The following GRIK3 variants were observed in gnomAD, a reference collection of about 807,000 sequenced individuals.
GRIK3 encodes glutamate receptor ionotropic, kainate 3.
A neutral mutation model predicts 102.5 loss-of-function variants in GRIK3; 29 were observed. That is an observed-to-expected ratio of 0.28 (90% CI 0.21 to 0.39). The LOEUF (loss-of-function observed/expected upper bound fraction) is 0.39, where lower values mean the gene tolerates loss of function less well. Among genes scored for constraint, GRIK3 ranks in the 10% least tolerant of loss-of-function variants. GRIK3 has a pLI of 1.00. For missense variants in GRIK3, 908 were observed against 1,252.4 expected, an observed-to-expected ratio of 0.73 and a Z score of 4.15; for synonymous variants, 511 against 504.9, an observed-to-expected ratio of 1.01 and a Z score of -0.16.
At chr1:37,024,747 A>T (rs1642750385) in intron 1 of GRIK3, among the ~76,000 whole-genome samples, 1 of 149,472 alleles carries the variant, frequency 6.7e-6, no homozygotes, top group Non-Finnish European at 1.5e-5. Flanking sequence ...CATCTCAAAA[A>T]AAAAAAAAAA....
chr1:36,804,990 C>T lies in GRIK3; in HGVS notation c.2562G>A (p.Glu854=). 4.3e-6 allele frequency: 7 copies of T among 1,614,090 alleles called. No individual in the cohort carries two copies. Among genetic ancestry groups the T allele is most frequent in the Non-Finnish European group, 5.1e-6 (6 of 1,179,966 alleles). Residue 854 remains glutamate, a synonymous_variant, in exon 15 of 16, where the codon GAG becomes GAA. Transcript: ENST00000373091. Reference sequence around the variant, plus strand: ...GGCTCCAAGCTCTAAGGCTTACCTGCTCTCTCTCTGCTGTTTTGCGGAGCT... The same window carrying T: ...GGCTCCAAGCTCTAAGGCTTACCTGTTCTCTCTCTGCTGTTTTGCGGAGCT... ...VYKLRKTAER[E]QRSFCSTVAD...
At chr1:37,017,214 CAA>C (rs35643683) in intron 1 of GRIK3, among the ~76,000 whole-genome samples, 10 of 131,380 alleles carry the variant, frequency 7.6e-5, no homozygotes, top group African/African-American at 8.5e-5. Context: ...GACTTTGTCT[CAA>C]AAAAAAAAAA....
intron 5 of GRIK3, among the ~76,000 whole-genome samples, chr1:36,860,917 T>C (rs1640716597): frequency 6.6e-6 from 1 of 152,226 alleles, no homozygotes; most frequent in Non-Finnish European, 1.5e-5. Context: ...CCAGTATTAC[T>C]TCATTCTTCT....
chr1:37,003,145 A>G (rs1325162165), intron 1 of GRIK3, among the ~76,000 whole-genome samples: 2 of 151,626 alleles, frequency 1.3e-5, no homozygotes, highest in African/African-American at 4.9e-5. Context: ...CGATTATAGC[A>G]ACTATTGGAC....
intron 2 of GRIK3, among the ~76,000 whole-genome samples, chr1:36,886,652 T>G (rs1370498032): frequency 1.3e-5 from 2 of 152,234 alleles, no homozygotes; most frequent in Admixed American, 1.3e-4. Flanking sequence ...CTTAATTTTT[T>G]TATTGAGATA....
intron 10 of GRIK3, among the ~76,000 whole-genome samples, chr1:36,838,595 G>C (rs368421227): frequency 6.6e-6 from 1 of 152,146 alleles, no homozygotes; most frequent in Admixed American, 6.5e-5. Flanking sequence ...CATGTGGCAC[G>C]GGACAGAGGC....
At chr1:36,998,731 T>G (rs190794570) in intron 1 of GRIK3, among the ~76,000 whole-genome samples, 1 of 152,276 alleles carries the variant, frequency 6.6e-6, no homozygotes, top group East Asian at 1.9e-4. Flanking sequence ...CTGTTGCTCT[T>G]CCCAGGGTCC....
intron 1 of GRIK3, among the ~76,000 whole-genome samples, chr1:36,981,723 T>C (rs571401109): frequency 5.9e-5 from 9 of 152,186 alleles, no homozygotes; most frequent in Middle Eastern, 3.4e-3. Context: ...TTATTACTCT[T>C]GTGTATCCAT....
intron 3 of GRIK3, among the ~76,000 whole-genome samples, chr1:36,879,869 G>A (rs959986044): frequency 2.6e-5 from 4 of 152,250 alleles, no homozygotes; most frequent in Admixed American, 2.6e-4. Context: ...TGAGACAACA[G>A]CCTGGTGCTG....
At chr1:36,846,165 G>A (rs931457111) in intron 9 of GRIK3, among the ~76,000 whole-genome samples, 10 of 152,160 alleles carry the variant, frequency 6.6e-5, no homozygotes, top group South Asian at 2.1e-4. Flanking sequence ...GTGGAAGAGC[G>A]GAACCAGAAC....
At chr1:36,903,347 A>G (rs1048094389) in intron 1 of GRIK3, among the ~76,000 whole-genome samples, 1 of 152,252 alleles carries the variant, frequency 6.6e-6, no homozygotes, top group African/African-American at 2.4e-5. Context: ...GCGGGGCAAC[A>G]GGAGCCCTCA....
chr1:36,951,862 G>A (rs1348859382), intron 1 of GRIK3, among the ~76,000 whole-genome samples: 1 of 152,090 alleles, frequency 6.6e-6, no homozygotes, highest in East Asian at 1.9e-4. Context: ...AGGGCGGAGG[G>A]GCGGGAGGAC....
intron 5 of GRIK3, among the ~76,000 whole-genome samples, chr1:36,861,976 C>G: frequency 6.6e-6 from 1 of 152,092 alleles, no homozygotes; most frequent in Non-Finnish European, 1.5e-5. Context: ...CACAAGGACT[C>G]CATGGCTTCA....
At chr1:36,919,346 T>TTTATTTTATC (rs1437367368) in intron 1 of GRIK3, among the ~76,000 whole-genome samples, 2 of 140,310 alleles carry the variant, frequency 1.4e-5, no homozygotes, top group South Asian at 2.4e-4. Flanking sequence ...AAAATTTTAT[T>TTTATTTTATC]TTATTTTATT....
chr1:36,859,675 T>C (rs1339213606), intron 6 of GRIK3, among the ~76,000 whole-genome samples, 169 bp downstream of exon 6: 1 of 152,236 alleles, frequency 6.6e-6, no homozygotes, highest in East Asian at 1.9e-4. Flanking sequence ...GGGGAGGGAC[T>C]GTCTGTTTCA....
intron 11 of GRIK3, among the ~76,000 whole-genome samples, chr1:36,820,179 T>G (rs1342782753): frequency 6.6e-6 from 1 of 152,164 alleles, no homozygotes; most frequent in Non-Finnish European, 1.5e-5. Context: ...ATCAAAGCAT[T>G]GTTTGCAATT....
chr1:36,896,157 A>G (rs2124277799), intron 1 of GRIK3, among the ~76,000 whole-genome samples: 1 of 152,346 alleles, frequency 6.6e-6, no homozygotes, highest in African/African-American at 2.4e-5. Flanking sequence ...GGAAAATAAT[A>G]TAGGTCAAAA....
At chr1:36,895,394 G>A (rs149539847) in intron 1 of GRIK3, among the ~76,000 whole-genome samples, 2 of 151,928 alleles carry the variant, frequency 1.3e-5, no homozygotes, top group African/African-American at 2.4e-5. Flanking sequence ...AAAGAGGACA[G>A]CATGCAAGAA....
At chr1:36,962,640 AAG>A (rs5773557) in intron 1 of GRIK3, among the ~76,000 whole-genome samples, 28,643 of 144,270 alleles carry the variant, frequency 0.2, 2,774 homozygotes, top group African/African-American at 0.23. Context: ...GAGGGAGAGG[AAG>A]AGAGAGAGAG....
Sources: allele counts gnomAD v4.1 joint callset (sites outside exome capture counted in the v4.1 genomes callset), GRCh38; gene constraint gnomAD v4.1.1; transcripts MANE v1.5; gene names NCBI Gene and HGNC (gene_info 2026-07-23, HGNC 2026-07-21).